The following ATP6V1B2 variants were observed in gnomAD, a reference collection of about 807,000 sequenced individuals.
ATP6V1B2 encodes V-type proton ATPase subunit B, brain isoform.
Under a neutral mutation model 66.7 loss-of-function variants are expected in ATP6V1B2, and 23 were observed. The observed-to-expected ratio is 0.34, with a 90% confidence interval of 0.25 to 0.49. The LOEUF is 0.49. Ranked by LOEUF, ATP6V1B2 falls within the 20% of genes least tolerant of loss-of-function variation. The pLI, the probability that ATP6V1B2 is intolerant of heterozygous loss-of-function variation, is 0.99. For synonymous variants in ATP6V1B2, 278 were observed against 236.7 expected (o/e 1.17, Z -1.60); for missense variants, 478 against 650.8 (o/e 0.73, Z 2.89).
At position 20,220,112 on chromosome 8, in the gene ATP6V1B2, T is replaced by C; in HGVS notation, c.1397-151T>C. The C allele has an allele frequency of 4.0e-6, 3 of 753,554 alleles. No individual in the cohort carries two copies. The South Asian group carries it at 7.2e-5, about 18-fold the overall frequency. 46.7% of individuals were successfully genotyped at this position (753,554 alleles called of 1,614,324 possible). A position where few individuals can be genotyped will look rare whatever the true frequency, so the allele number is the denominator to read the frequency against. ...GATACTCACTGTCTGTGCCTTCTTT[T>C]CCTCAGTCCTTCTCATTTAGTCTTG... On this transcript the variant is annotated intron_variant, in intron 13 of 13. Coordinates refer to ENST00000276390, the MANE Select transcript of ATP6V1B2 (RefSeq NM_001693.4).
At chr8:20,209,268 G>C (rs186611441) in intron 2 of ATP6V1B2, among the ~76,000 whole-genome samples, 165 bp from the exon 3 acceptor site, 1 of 152,140 alleles carries the variant, frequency 6.6e-6, no homozygotes, top group African/African-American at 2.4e-5. Flanking sequence ...TTTGCTGTAA[G>C]GACTTAAACT....
At chr8:20,215,110 C>G (rs889764548) in intron 10 of ATP6V1B2, 142 bp downstream of exon 10, 2 of 960,672 alleles carry the variant, frequency 2.1e-6, no homozygotes, top group African/African-American at 3.4e-5. Flanking sequence ...AAACATTTTT[C>G]ATTTGAAAAT....
At chr8:20,212,017 A>T (rs1355865249) in intron 7 of ATP6V1B2, 85 bp from the exon 8 acceptor site, 2 of 1,323,456 alleles carry the variant, frequency 1.5e-6, no homozygotes, top group Non-Finnish European at 2.1e-6. Flanking sequence ...AGAAGGAACA[A>T]TTCAAATCTG....
At chr8:20,203,967 A>C in intron 1 of ATP6V1B2, 1 of 455,536 alleles carries the variant, frequency 2.2e-6, no homozygotes, top group Non-Finnish European at 4.4e-6. Flanking sequence ...AGGCTATACA[A>C]TTTCTCCAAT....
rs368067224 is a variant in ATP6V1B2 at position 20,197,420 on chromosome 8, C to G, written c.14C>G (p.Ala5Gly). The change falls in exon 1 of 14, where the codon GCG becomes GGG. Residue 5 changes from alanine to glycine, a missense_variant. Ala to Gly is a moderately conservative substitution (Grantham distance 60, BLOSUM62 0). Coordinates refer to ENST00000276390, the MANE Select transcript of ATP6V1B2 (RefSeq NM_001693.4). MALRAMRGIVNGAAP... is the reference protein window; with the variant it reads MALRGMRGIVNGAAP... ...AGAGGAGACAAGATGGCGCTGCGGGCGATGCGGGGGATTGTCAACGGGGCC... is the reference window on the plus strand; with the variant it reads ...AGAGGAGACAAGATGGCGCTGCGGGGGATGCGGGGGATTGTCAACGGGGCC... 2 of 1,543,272 alleles carry G rather than the reference C, an allele frequency of 1.3e-6. No homozygotes were observed. The highest frequency in any genetic ancestry group is 2.7e-5 in the East Asian group (1 of 37,524).
At chr8:20,200,148 G>A (rs202059362) in intron 1 of ATP6V1B2, among the ~76,000 whole-genome samples, 38 of 151,694 alleles carry the variant, frequency 2.5e-4, no homozygotes, top group Non-Finnish European at 5.1e-4. Context: ...GACTACAGAC[G>A]GACACCACTA....
chr8:20,212,968 C>G, intron 9 of ATP6V1B2, 63 bp downstream of exon 9: 1 of 1,594,846 alleles, frequency 6.3e-7, no homozygotes, highest in South Asian at 1.1e-5. Flanking sequence ...GTTAACTTGT[C>G]ACTTTGCAAG....
At position 20,211,769 on chromosome 8, in the gene ATP6V1B2, G is replaced by T. The variant is rs746992809; in HGVS notation, c.705+16G>T. The stretch of plus-strand genomic sequence containing the variant: ...TGCTATGGGTGTAAGTAGAATTTTT[G>T]TTTTAGTATGATATGTAAAATTTTG... On this transcript the variant is annotated intron_variant, in intron 7 of 13. Coordinates refer to ENST00000276390, the MANE Select transcript of ATP6V1B2 (RefSeq NM_001693.4). The T allele has an allele frequency of 1.3e-6, 2 of 1,514,272 alleles. No individual in the cohort carries two copies. The highest frequency in any genetic ancestry group is 1.9e-5 in the Admixed American group (1 of 52,970). The allele number at this position is 1,514,272 out of a possible 1,614,324, so 93.8% of individuals were successfully genotyped here.
intron 2 of ATP6V1B2, among the ~76,000 whole-genome samples, chr8:20,205,231 T>C (rs1021407870): frequency 2.0e-5 from 3 of 152,200 alleles, no homozygotes; most frequent in Non-Finnish European, 4.4e-5. Flanking sequence ...GAAATAAACT[T>C]TTGGACTCAT....
At chr8:20,206,096 C>G (rs1331514517) in intron 2 of ATP6V1B2, among the ~76,000 whole-genome samples, 1 of 152,220 alleles carries the variant, frequency 6.6e-6, no homozygotes, top group African/African-American at 2.4e-5. Flanking sequence ...CCACAACCTG[C>G]AGCAAATCAA....
chr8:20,200,485 G>C (rs1010810275), intron 1 of ATP6V1B2, among the ~76,000 whole-genome samples: 5 of 152,188 alleles, frequency 3.3e-5, no homozygotes, highest in African/African-American at 1.2e-4. Flanking sequence ...CAGTTCCACT[G>C]TACAAATTAG....
intron 2 of ATP6V1B2, among the ~76,000 whole-genome samples, chr8:20,207,924 T>C (rs940170654): frequency 1.3e-5 from 2 of 152,234 alleles, no homozygotes; most frequent in Non-Finnish European, 1.5e-5. Flanking sequence ...GTCTGACTTA[T>C]CAGTAATATG....
chr8:20,200,172 T>G (rs2072670883), intron 1 of ATP6V1B2, among the ~76,000 whole-genome samples: 1 of 151,758 alleles, frequency 6.6e-6, no homozygotes, highest in Admixed American at 6.6e-5. Flanking sequence ...CCAGCTAATT[T>G]TTTTTAATTT....
At chr8:20,205,150 T>G (rs2072725830) in intron 2 of ATP6V1B2, among the ~76,000 whole-genome samples, 1 of 152,240 alleles carries the variant, frequency 6.6e-6, no homozygotes, top group African/African-American at 2.4e-5. Context: ...CCTCCTCTTT[T>G]GTTTTCTGGG....
chr8:20,202,127 C>T (rs150776966), intron 1 of ATP6V1B2, among the ~76,000 whole-genome samples: 27 of 152,254 alleles, frequency 1.8e-4, no homozygotes, highest in Non-Finnish European at 2.6e-4. Flanking sequence ...AAGTAAAAAC[C>T]TGTTTTGCAT....
chr8:20,202,674 A>C (rs779658235), intron 1 of ATP6V1B2, among the ~76,000 whole-genome samples: 10 of 152,234 alleles, frequency 6.6e-5, no homozygotes, highest in Admixed American at 3.3e-4. Flanking sequence ...TGAATTTTAA[A>C]CATGAGATTC....
At chr8:20,206,217 G>A (rs1282973295) in intron 2 of ATP6V1B2, among the ~76,000 whole-genome samples, 1 of 152,178 alleles carries the variant, frequency 6.6e-6, no homozygotes, top group Admixed American at 6.5e-5. Flanking sequence ...CCAGATGTGT[G>A]TGTTTTTTCC....
intron 1 of ATP6V1B2, among the ~76,000 whole-genome samples, chr8:20,200,223 G>T (rs571928219): frequency 1.5e-4 from 22 of 150,298 alleles, no homozygotes; most frequent in Middle Eastern, 3.5e-3. Context: ...TCCCCATGTT[G>T]CCCAGGCTGG....
chr8:20,214,593 C>A, intron 9 of ATP6V1B2: 1 of 375,420 alleles, frequency 2.7e-6, no homozygotes, highest in South Asian at 1.1e-4. Flanking sequence ...TATGGCAATA[C>A]GATTTTAGCA....
Sources: gnomAD v4.1 joint callset for allele counts (sites outside exome capture counted in the v4.1 genomes callset) on GRCh38, gnomAD v4.1.1 for gene constraint, MANE v1.5 for transcripts, NCBI Gene and HGNC (gene_info 2026-07-23, HGNC 2026-07-21) for gene names.